MIR2052HG: variants seen among roughly 807,000 people sequenced by gnomAD.
MIR2052HG encodes the protein MIR2052 host gene.
At chr8:74,663,365 A>G (rs1808887733) in intron 2 of MIR2052HG, among the ~76,000 whole-genome samples, 1 of 152,176 alleles carries the variant, frequency 6.6e-6, no homozygotes, top group East Asian at 1.9e-4. Context: ...TTGTTTAAGA[A>G]CACCGTGTTT....
At chr8:74,710,975 A>G (rs1191388631) in intron 4 of MIR2052HG, among the ~76,000 whole-genome samples, 1 of 152,180 alleles carries the variant, frequency 6.6e-6, no homozygotes, top group African/African-American at 2.4e-5. Flanking sequence ...CCGTACCTCT[A>G]TGCTGTCATG....
chr8:74,622,530 G>A (rs1412384997), intron 2 of MIR2052HG, among the ~76,000 whole-genome samples: 3 of 152,012 alleles, frequency 2.0e-5, no homozygotes, highest in Non-Finnish European at 4.4e-5. Flanking sequence ...CTTGTACCTG[G>A]GAGATGAAGG....
At position 74,727,341 on chromosome 8, in the gene MIR2052HG, A is replaced by G. The variant is rs181018367; in HGVS notation, n.371+23659A>G. The stretch of plus-strand genomic sequence containing the variant: ...AAAGCAGGGTCTGGAAGGTGGATTT[A>G]CATGGATCCCTTATTACACCTATTC... On this transcript the variant is annotated intron_variant and non_coding_transcript_variant, in intron 4 of 6. Coordinates refer to ENST00000523442, the Ensembl canonical transcript of MIR2052HG. Among the ~76,000 whole-genome samples the G allele has an allele frequency of 1.6e-3, 251 of 152,366 alleles. 3 individuals are homozygous for G. Among genetic ancestry groups the G allele is most frequent in the Non-Finnish European group, 1.0e-3 (71 of 68,038 alleles).
At chr8:74,719,751 GC>G (rs1224576229) in intron 4 of MIR2052HG, among the ~76,000 whole-genome samples, 3 of 151,804 alleles carry the variant, frequency 2.0e-5, no homozygotes, top group Non-Finnish European at 4.4e-5. Context: ...CTGTTAGACA[GC>G]CTTAGCAGGA....
intron 2 of MIR2052HG, among the ~76,000 whole-genome samples, chr8:74,655,517 A>AGAG (rs1808797451): frequency 6.6e-6 from 1 of 152,232 alleles, no homozygotes; most frequent in Non-Finnish European, 1.5e-5. Flanking sequence ...CCATGGTTTC[A>AGAG]GAGGATCCAA....
chr8:74,619,888 T>G lies in MIR2052HG; in HGVS notation n.216+6948T>G, dbSNP rs555113850. Reference sequence around the variant, plus strand: ...AACAGTTGCCCAGAGTCTTAACTCATTCCAACATTAACCCAAAAGTCCAAA... The same window carrying G: ...AACAGTTGCCCAGAGTCTTAACTCAGTCCAACATTAACCCAAAAGTCCAAA... On this transcript the variant is annotated intron_variant and non_coding_transcript_variant, in intron 2 of 6. Transcript: ENST00000523442. Among the ~76,000 whole-genome samples, 18 of 152,310 alleles carry G rather than the reference T, an allele frequency of 1.2e-4. 2 individuals are homozygous for G. Among genetic ancestry groups the G allele is most frequent in the African/African-American group, 4.3e-4 (18 of 41,556 alleles).
At chr8:74,716,719 G>A (rs1809525218) in intron 4 of MIR2052HG, among the ~76,000 whole-genome samples, 1 of 151,994 alleles carries the variant, frequency 6.6e-6, no homozygotes, top group African/African-American at 2.4e-5. Flanking sequence ...CAAAAAAAAA[G>A]AGAATGAATC....
intron 4 of MIR2052HG, among the ~76,000 whole-genome samples, chr8:74,738,927 G>A (rs1464053747): frequency 3.3e-5 from 5 of 152,162 alleles, no homozygotes; most frequent in Admixed American, 1.3e-4. Flanking sequence ...TTTTGAGCTA[G>A]GAAGAAACAA....
intron 4 of MIR2052HG, among the ~76,000 whole-genome samples, chr8:74,722,286 TTAAG>T (rs1809585749): frequency 6.6e-6 from 1 of 152,210 alleles, no homozygotes; most frequent in Admixed American, 6.5e-5. Flanking sequence ...TGCATTTTAT[TTAAG>T]TAATTGTTCC....
intron 2 of MIR2052HG, among the ~76,000 whole-genome samples, chr8:74,614,027 G>C (rs988149083): frequency 3.9e-5 from 6 of 152,208 alleles, no homozygotes; most frequent in African/African-American, 1.4e-4. Flanking sequence ...CCTAATAAAC[G>C]ATTTCACATC....
chr8:74,629,540 G>C lies in MIR2052HG; in HGVS notation n.216+16600G>C, dbSNP rs1808480355. On this transcript the variant is annotated intron_variant and non_coding_transcript_variant, in intron 2 of 6. Transcript: ENST00000523442. ...GGCCAGCCTTTTGCATTCCAGTATAGTGTTAGTCATAGGCTTCAGGGCTCT... is the reference window on the plus strand; with the variant it reads ...GGCCAGCCTTTTGCATTCCAGTATACTGTTAGTCATAGGCTTCAGGGCTCT... Among the ~76,000 whole-genome samples the C allele has an allele frequency of 1.3e-5, 2 of 152,106 alleles. 1 individual carries two copies. The highest frequency in any genetic ancestry group is 4.1e-4 in the South Asian group (2 of 4,826).
chr8:74,671,824 C>T (rs1433818240), intron 2 of MIR2052HG, among the ~76,000 whole-genome samples: 1 of 152,078 alleles, frequency 6.6e-6, no homozygotes, highest in Non-Finnish European at 1.5e-5. Flanking sequence ...TTATCATTTT[C>T]TTGCTCAAAG....
At chr8:74,603,607 T>A (rs1316657377) in intron 1 of MIR2052HG, 2 of 1,522,010 alleles carry the variant, frequency 1.3e-6, no homozygotes, top group Non-Finnish European at 1.8e-6. Context: ...CATTGCCAAC[T>A]GGTGCAGCAT....
At chr8:74,715,252 A>C (rs1443638127) in intron 4 of MIR2052HG, among the ~76,000 whole-genome samples, 1 of 152,212 alleles carries the variant, frequency 6.6e-6, no homozygotes, top group Non-Finnish European at 1.5e-5. Flanking sequence ...AGACAATCCT[A>C]GCACAAGTTA....
chr8:74,654,997 G>A (rs899462070), intron 2 of MIR2052HG, among the ~76,000 whole-genome samples: 1 of 152,148 alleles, frequency 6.6e-6, no homozygotes, highest in African/African-American at 2.4e-5. Flanking sequence ...CTGGAGCAAA[G>A]GTGGCTCTTG....
intron 3 of MIR2052HG, chr8:74,702,505 A>T: frequency 2.5e-6 from 1 of 397,616 alleles, no homozygotes; most frequent in Non-Finnish European, 5.2e-6. Flanking sequence ...GTCTGCACAC[A>T]TCCTACTAGA....
chr8:74,619,854 A>G (rs1472429527), intron 2 of MIR2052HG, among the ~76,000 whole-genome samples: 1 of 152,174 alleles, frequency 6.6e-6, no homozygotes, highest in African/African-American at 2.4e-5. Context: ...CAACATAATC[A>G]TGCCTTCCAA....
intron 2 of MIR2052HG, among the ~76,000 whole-genome samples, chr8:74,638,380 A>C (rs1444829912): frequency 2.0e-5 from 3 of 152,182 alleles, no homozygotes; most frequent in African/African-American, 7.2e-5. Flanking sequence ...AAAACCAATG[A>C]AGGGTTTTAA....
intron 2 of MIR2052HG, among the ~76,000 whole-genome samples, chr8:74,676,856 C>A (rs1334873811): frequency 6.6e-6 from 1 of 151,882 alleles, no homozygotes; most frequent in Non-Finnish European, 1.5e-5. Context: ...TGTTAATTAG[C>A]TGGATTGTGG....
Sources: allele counts gnomAD v4.1 joint callset (sites outside exome capture counted in the v4.1 genomes callset), GRCh38; gene constraint gnomAD v4.1.1; transcripts MANE v1.5; gene names NCBI Gene and HGNC (gene_info 2026-07-23, HGNC 2026-07-21).